The following ZFPM2 variants were observed in gnomAD, a reference collection of about 807,000 sequenced individuals.
ZFPM2 encodes zinc finger protein, FOG family member 2.
Under a neutral mutation model 98.6 loss-of-function variants are expected in ZFPM2, and 20 were observed. The ratio of observed to expected loss-of-function variants is 0.20; its 90% CI spans 0.14 to 0.29. The LOEUF is 0.29. ZFPM2 is among the 10% of genes least tolerant of loss of function. The probability of loss-of-function intolerance (pLI) is 1.00; values close to 1 mark genes in which losing one functional copy is unlikely to be tolerated. For missense variants in ZFPM2, 1,310 were observed against 1,388.6 expected, an observed-to-expected ratio of 0.94 and a Z score of 0.90; for synonymous variants, 518 against 502.7, an observed-to-expected ratio of 1.03 and a Z score of -0.41.
intron 5 of ZFPM2, among the ~76,000 whole-genome samples, chr8:105,698,045 G>T (rs1294920813): frequency 6.6e-6 from 1 of 152,186 alleles, no homozygotes; most frequent in East Asian, 1.9e-4. Context: ...TAAAATATAT[G>T]TATTTTCCCT....
chr8:105,382,275 C>CTT (rs199599651), intron 1 of ZFPM2, among the ~76,000 whole-genome samples: 1 of 150,790 alleles, frequency 6.6e-6, no homozygotes, highest in Non-Finnish European at 1.5e-5. Context: ...AGTACTTAAG[C>CTT]TTTTTTTTTA....
intron 5 of ZFPM2, among the ~76,000 whole-genome samples, chr8:105,725,458 G>A (rs1206653823): frequency 6.6e-6 from 1 of 151,746 alleles, no homozygotes; most frequent in Non-Finnish European, 1.5e-5. Flanking sequence ...AATGAGAAGA[G>A]AGAACTATCC....
At chr8:105,327,416 AATGGTAT>A in intron 1 of ZFPM2, among the ~76,000 whole-genome samples, 1 of 151,804 alleles carries the variant, frequency 6.6e-6, no homozygotes, top group East Asian at 1.9e-4. Flanking sequence ...AATATTGAAC[AATGGTAT>A]ACTCTTGAAG....
At chr8:105,731,198 G>A (rs1379444187) in intron 5 of ZFPM2, among the ~76,000 whole-genome samples, 3 of 151,676 alleles carry the variant, frequency 2.0e-5, no homozygotes, top group African/African-American at 7.3e-5. Context: ...GTTATGAATT[G>A]TAGTGTGTTC....
intron 3 of ZFPM2, among the ~76,000 whole-genome samples, chr8:105,462,281 G>A (rs1308932222): frequency 6.6e-6 from 1 of 152,042 alleles, no homozygotes; most frequent in African/African-American, 2.4e-5. Context: ...CTTGGCTCCA[G>A]TCCCAATATG....
At chr8:105,347,493 C>T (rs914582531) in intron 1 of ZFPM2, among the ~76,000 whole-genome samples, 1 of 152,096 alleles carries the variant, frequency 6.6e-6, no homozygotes, top group Non-Finnish European at 1.5e-5. Context: ...GTTCAGTGTA[C>T]TCTGTTCCTC....
chr8:105,680,229 T>C (rs1484991285), intron 5 of ZFPM2, among the ~76,000 whole-genome samples: 1 of 152,176 alleles, frequency 6.6e-6, no homozygotes, highest in Non-Finnish European at 1.5e-5. Context: ...TTTTCTTTTT[T>C]AGGATGTTTG....
At chr8:105,402,397 G>C (rs1363311854) in intron 1 of ZFPM2, among the ~76,000 whole-genome samples, 1 of 151,642 alleles carries the variant, frequency 6.6e-6, no homozygotes, top group South Asian at 2.1e-4. Context: ...TCTTGTTTTA[G>C]TGTCTTTAAA....
At chr8:105,573,103 T>C (rs1387542055) in intron 4 of ZFPM2, among the ~76,000 whole-genome samples, 1 of 152,090 alleles carries the variant, frequency 6.6e-6, no homozygotes, top group Non-Finnish European at 1.5e-5. Flanking sequence ...TAGTGGAGGA[T>C]CTGCTTACAT....
intron 3 of ZFPM2, among the ~76,000 whole-genome samples, chr8:105,553,515 G>C (rs148412280): frequency 2.6e-5 from 4 of 152,046 alleles, no homozygotes; most frequent in Non-Finnish European, 5.9e-5. Context: ...TGAATTCATC[G>C]CATGAAAAGG....
At chr8:105,422,332 G>C (rs1360293851) in intron 2 of ZFPM2, among the ~76,000 whole-genome samples, 1 of 152,042 alleles carries the variant, frequency 6.6e-6, no homozygotes, top group Non-Finnish European at 1.5e-5. Flanking sequence ...AGCTACTCGG[G>C]AGGCTGAGGC....
chr8:105,428,600 G>A (rs1417865361), intron 2 of ZFPM2, among the ~76,000 whole-genome samples: 1 of 152,186 alleles, frequency 6.6e-6, no homozygotes, highest in African/African-American at 2.4e-5. Context: ...GTAATAAATG[G>A]CAGGAATGTT....
At chr8:105,409,351 G>C (rs1177262042) in intron 1 of ZFPM2, among the ~76,000 whole-genome samples, 4 of 151,920 alleles carry the variant, frequency 2.6e-5, no homozygotes, top group African/African-American at 9.7e-5. Flanking sequence ...ACTCTTGGCA[G>C]ATATGTATAA....
In ZFPM2 at chr8:105,803,516, A is replaced by G. The variant is rs1156709537; in HGVS notation, c.3434A>G (p.His1145Arg). The change falls in exon 8 of 8, where the codon CAT becomes CGT. Residue 1145 changes from histidine to arginine, a missense_variant. His to Arg is a conservative substitution (Grantham distance 29). Coordinates refer to ENST00000407775, the MANE Select transcript of ZFPM2 (RefSeq NM_012082.4). Reference protein sequence around the residue: ...ITHKKFYCSSHAAEHVK With the variant: ...ITHKKFYCSSRAAEHVK The stretch of plus-strand genomic sequence containing the variant: ...CACAAGAAGTTTTATTGCTCATCAC[A>G]TGCAGCAGAACATGTCAAATGAACT... 3 of 1,609,806 alleles carry G rather than the reference A, an allele frequency of 1.9e-6. No homozygotes were observed. Among genetic ancestry groups the G allele is most frequent in the African/African-American group, 1.3e-5 (1 of 75,018 alleles).
chr8:105,704,416 CTTA>C (rs1811210431), intron 5 of ZFPM2, among the ~76,000 whole-genome samples: 1 of 152,124 alleles, frequency 6.6e-6, no homozygotes, highest in Non-Finnish European at 1.5e-5. Context: ...GATTTGGTAT[CTTA>C]CATTTGAAGT....
intron 1 of ZFPM2, among the ~76,000 whole-genome samples, chr8:105,352,306 T>C (rs552092590): frequency 6.6e-6 from 1 of 152,338 alleles, no homozygotes; most frequent in African/African-American, 2.4e-5. Flanking sequence ...AATTAAAATA[T>C]CCCTGTTCTT....
At chr8:105,668,740 T>C (rs1203789156) in intron 5 of ZFPM2, among the ~76,000 whole-genome samples, 4 of 152,214 alleles carry the variant, frequency 2.6e-5, no homozygotes, top group African/African-American at 9.6e-5. Flanking sequence ...TCAGCAAGAA[T>C]GTGTTGTTTC....
intron 4 of ZFPM2, among the ~76,000 whole-genome samples, chr8:105,619,300 C>T (rs1461004227): frequency 6.6e-6 from 1 of 151,984 alleles, no homozygotes; most frequent in Non-Finnish European, 1.5e-5. Flanking sequence ...TCCAAATGTA[C>T]CATTCATAAG....
intron 3 of ZFPM2, among the ~76,000 whole-genome samples, chr8:105,498,314 G>A (rs150418669): frequency 1.6e-3 from 247 of 152,294 alleles, no homozygotes; most frequent in African/African-American, 5.6e-3. Flanking sequence ...TCATAATGAA[G>A]TTGGTTATAT....
Sources: allele counts gnomAD v4.1 joint callset (sites outside exome capture counted in the v4.1 genomes callset), GRCh38; gene constraint gnomAD v4.1.1; transcripts MANE v1.5; gene names NCBI Gene and HGNC (gene_info 2026-07-23, HGNC 2026-07-21).